The following MPPED1 variants were observed in gnomAD, a reference collection of about 807,000 sequenced individuals.
MPPED1 encodes metallophosphoesterase domain containing 1, also known as metallophosphoesterase domain-containing protein 1.
A neutral mutation model predicts 36.2 loss-of-function variants in MPPED1; 16 were observed. The ratio of observed to expected loss-of-function variants is 0.44; its 90% CI spans 0.30 to 0.67. The LOEUF is 0.67. Ranked by LOEUF, MPPED1 falls within the 30% of genes least tolerant of loss-of-function variation. The probability of loss-of-function intolerance (pLI) is 0.10; values close to 1 mark genes in which losing one functional copy is unlikely to be tolerated. For synonymous variants in MPPED1, 199 were observed against 191.3 expected (o/e 1.04, Z -0.33); for missense variants, 307 against 453.4 (o/e 0.68, Z 2.93).
intron 1 of MPPED1, among the ~76,000 whole-genome samples, chr22:43,413,285 T>A (rs973824460): frequency 7.1e-6 from 1 of 141,352 alleles, no homozygotes; most frequent in Admixed American, 7.6e-5. Context: ...GGGAGTTGAA[T>A]GGCACTGGGA....
intron 2 of MPPED1, among the ~76,000 whole-genome samples, chr22:43,427,137 C>T (rs1185836102): frequency 3.3e-5 from 5 of 152,192 alleles, no homozygotes; most frequent in Non-Finnish European, 7.4e-5. Flanking sequence ...GTGAGGGTCC[C>T]AGCACCACAT....
chr22:43,433,997 G>A (rs1929861488), intron 2 of MPPED1, among the ~76,000 whole-genome samples: 1 of 152,120 alleles, frequency 6.6e-6, no homozygotes, highest in Non-Finnish European at 1.5e-5. Context: ...GGAGAGCTGG[G>A]GTCTTAGCCC....
chr22:43,466,053 G>T (rs1227230451), intron 3 of MPPED1, among the ~76,000 whole-genome samples: 1 of 152,232 alleles, frequency 6.6e-6, no homozygotes, highest in African/African-American at 2.4e-5. Context: ...TATGTGCTCT[G>T]CAGTAGCAGT....
intron 3 of MPPED1, among the ~76,000 whole-genome samples, chr22:43,472,516 A>G (rs569612594): frequency 6.6e-6 from 1 of 152,324 alleles, no homozygotes; most frequent in African/African-American, 2.4e-5. Context: ...GCTGGAGCTG[A>G]GATTCTGTGG....
At chr22:43,442,467 A>G (rs777374852) in intron 3 of MPPED1, among the ~76,000 whole-genome samples, 20 of 152,032 alleles carry the variant, frequency 1.3e-4, no homozygotes, top group Non-Finnish European at 2.5e-4. Flanking sequence ...ATCCCCCGTA[A>G]TAGATCAGGA....
intron 3 of MPPED1, among the ~76,000 whole-genome samples, chr22:43,465,515 A>G (rs1440185831): frequency 3.3e-5 from 5 of 152,148 alleles, no homozygotes; most frequent in Admixed American, 2.0e-4. Flanking sequence ...CTGGCGGTAG[A>G]GCGCTGAACA....
intron 2 of MPPED1, among the ~76,000 whole-genome samples, chr22:43,428,708 C>T (rs1041943946): frequency 2.6e-5 from 4 of 152,052 alleles, no homozygotes; most frequent in African/African-American, 9.7e-5. Flanking sequence ...ATGCAGTTGC[C>T]CCCAGAGACT....
chr22:43,469,167 G>C (rs1363560474), intron 3 of MPPED1, among the ~76,000 whole-genome samples: 1 of 152,160 alleles, frequency 6.6e-6, no homozygotes, highest in African/African-American at 2.4e-5. Flanking sequence ...TTCTCAGGCA[G>C]CTCCCATCAG....
intron 3 of MPPED1, among the ~76,000 whole-genome samples, chr22:43,463,131 A>T (rs1931012667): frequency 6.6e-6 from 1 of 151,128 alleles, no homozygotes; most frequent in Non-Finnish European, 1.5e-5. Flanking sequence ...CTCATCCTTT[A>T]TATATAACCT....
intron 1 of MPPED1, among the ~76,000 whole-genome samples, chr22:43,423,132 G>C (rs532562800): frequency 6.6e-6 from 1 of 152,144 alleles, no homozygotes; most frequent in Non-Finnish European, 1.5e-5. Context: ...CCACTGCACC[G>C]GGCCTCAAAT....
chr22:43,429,468 C>G (rs62234088), intron 2 of MPPED1, among the ~76,000 whole-genome samples: 52 of 152,256 alleles, frequency 3.4e-4, no homozygotes, highest in Non-Finnish European at 6.3e-4. Context: ...CAGGTCTTTG[C>G]CCATGCTGTT....
At chr22:43,432,411 TAAAGGGAGGAGAGAGAAAGGGAGGAGAG>T (rs1929733775) in intron 2 of MPPED1, among the ~76,000 whole-genome samples, 1 of 36,310 alleles carries the variant, frequency 2.8e-5, no homozygotes, top group Non-Finnish European at 5.4e-5. Context: ...GAGAGAGAGA[TAAAGGGAGGAGAGAGAAAGGGAGGAGAG>T]AAAGGGAGGA....
chr22:43,474,502 C>A lies in MPPED1; in HGVS notation c.407-234C>A, dbSNP rs1411399495. On this transcript the variant is annotated intron_variant, in intron 3 of 6. Transcript: ENST00000443721. The surrounding 1 kb of genome is among the most constrained non-coding windows in gnomAD (Gnocchi z 5.2). ...TTCCTCCTGCCCGCCCCTCTCTCAG[C>A]CATGCTGTGGCTTCTGGACAAGCTG... Among the ~76,000 whole-genome samples, 1 of 152,252 alleles carries A rather than the reference C, an allele frequency of 6.6e-6. No individual in the cohort carries two copies. The highest frequency in any genetic ancestry group is 1.5e-5 in the Non-Finnish European group (1 of 68,050).
chr22:43,450,412 G>T (rs1035687712), intron 3 of MPPED1, among the ~76,000 whole-genome samples: 2 of 152,258 alleles, frequency 1.3e-5, no homozygotes, highest in Non-Finnish European at 1.5e-5. Flanking sequence ...ATTGAATAAG[G>T]CATTGCAGCT....
At chr22:43,484,768 C>A (rs1931857412) in intron 4 of MPPED1, among the ~76,000 whole-genome samples, 1 of 152,136 alleles carries the variant, frequency 6.6e-6, no homozygotes, top group Admixed American at 6.5e-5. Context: ...GTGAGCCCCG[C>A]CTGAGCCTCT....
rs949744339 is a variant in MPPED1, at chr22:43,505,896, T to C, written c.*280T>C. 5.5e-6 allele frequency: 2 copies of C among 361,128 alleles called. No individual in the cohort carries two copies. Among genetic ancestry groups the C allele is most frequent in the African/African-American group, 2.1e-5 (1 of 48,102 alleles). 22.4% of individuals were successfully genotyped at this position (361,128 alleles called of 1,614,324 possible). ...TACTAAGCTCATGGCCCTGTCATGT[T>C]TGGGAAATGACTAAATCTTCATTCT... On this transcript the variant is annotated 3_prime_UTR_variant, in exon 7 of 7. Coordinates refer to ENST00000443721, the MANE Select transcript of MPPED1 (RefSeq NM_001044370.2).
At chr22:43,424,564 A>G (rs1034212167) in intron 1 of MPPED1, among the ~76,000 whole-genome samples, 2 of 152,076 alleles carry the variant, frequency 1.3e-5, no homozygotes, top group African/African-American at 2.4e-5. Flanking sequence ...GTCTTACCCC[A>G]GCTCACTGTC....
At chr22:43,417,414 G>T (rs1929111729) in intron 1 of MPPED1, among the ~76,000 whole-genome samples, 1 of 150,594 alleles carries the variant, frequency 6.6e-6, no homozygotes. Context: ...TCTCCCATTG[G>T]GGTATTTGCT....
At chr22:43,458,355 G>A (rs983394514) in intron 3 of MPPED1, among the ~76,000 whole-genome samples, 3 of 151,278 alleles carry the variant, frequency 2.0e-5, no homozygotes, top group Admixed American at 6.6e-5. Flanking sequence ...TTGTGATCTC[G>A]GCTCACTGCA....
Sources: allele counts gnomAD v4.1 joint callset (sites outside exome capture counted in the v4.1 genomes callset), GRCh38; gene constraint gnomAD v4.1.1; non-coding constraint Gnocchi (gnomAD v3.1); transcripts MANE v1.5; gene names NCBI Gene and HGNC (gene_info 2026-07-23, HGNC 2026-07-21).